FHAD1: variants seen among roughly 807,000 people sequenced by gnomAD.
FHAD1 encodes the protein forkhead-associated domain-containing protein 1.
Under a neutral mutation model 191.3 loss-of-function variants are expected in FHAD1, and 146 were observed. The observed-to-expected ratio is 0.76, with a 90% confidence interval of 0.67 to 0.88. The LOEUF is 0.88. Ranked by LOEUF, FHAD1 falls within the 40% of genes least tolerant of loss-of-function variation. FHAD1 has a pLI of 0.00. For synonymous variants in FHAD1, 616 were observed against 672.3 expected (o/e 0.92, Z 1.29); for missense variants, 1,635 against 1,785.8 (o/e 0.92, Z 1.52).
intron 31 of FHAD1, among the ~76,000 whole-genome samples, chr1:15,387,011 C>A (rs1406966334): frequency 6.6e-6 from 1 of 151,964 alleles, no homozygotes; most frequent in Non-Finnish European, 1.5e-5. Context: ...TACAAGGCAC[C>A]CACCACCACG....
At chr1:15,360,327 G>C (rs1455731405) in intron 21 of FHAD1, 151 bp from the exon 22 acceptor site, 1 of 642,166 alleles carries the variant, frequency 1.6e-6, no homozygotes, top group Non-Finnish European at 2.7e-6. Flanking sequence ...CAAGGAGCTG[G>C]GGAAGAAGTG....
intron 26 of FHAD1, among the ~76,000 whole-genome samples, chr1:15,373,146 C>A (rs922156885): frequency 6.6e-6 from 1 of 152,060 alleles, no homozygotes; most frequent in South Asian, 2.1e-4. Context: ...ATATTTGTGT[C>A]GATGTGAATT....
chr1:15,316,485 CT>C lies in FHAD1; in HGVS notation c.1260+21del. On this transcript the variant is annotated intron_variant, in intron 9 of 33. Coordinates refer to ENST00000688493, the MANE Select transcript of FHAD1 (RefSeq NM_001391957.1). This position sits in a 1 kb window ranked among gnomAD's most constrained non-coding sequence, Gnocchi z 4.3. ...GCAAAACCGTGAGTTGAGCTTCCTCCTTTGTAGGTACCACCAGAAAAAACAG... is the reference window on the plus strand; with the variant it reads ...GCAAAACCGTGAGTTGAGCTTCCTCCTTGTAGGTACCACCAGAAAAAACAG... 6.5e-7 allele frequency: 1 copy of C among 1,548,794 alleles called. No homozygotes were observed. The highest frequency in any genetic ancestry group is 2.0e-5 in the Admixed American group (1 of 50,916).
intron 20 of FHAD1, among the ~76,000 whole-genome samples, chr1:15,356,013 A>G (rs1161918170): frequency 2.0e-5 from 3 of 151,914 alleles, no homozygotes; most frequent in Non-Finnish European, 4.4e-5. Flanking sequence ...AGTTGCCACT[A>G]TCGACATTTT....
intron 4 of FHAD1, among the ~76,000 whole-genome samples, chr1:15,290,775 C>A (rs1352252420): frequency 6.6e-6 from 1 of 151,614 alleles, no homozygotes; most frequent in Admixed American, 6.6e-5. Context: ...GTGGTGCCAT[C>A]TCAGCGCACT....
chr1:15,400,641 G>A (rs1037879451), downstream of FHAD1, among the ~76,000 whole-genome samples: 1 of 152,190 alleles, frequency 6.6e-6, no homozygotes, highest in African/African-American at 2.4e-5. Flanking sequence ...ATTCTACAAT[G>A]GACAAAAGAA....
intron 26 of FHAD1, among the ~76,000 whole-genome samples, chr1:15,374,199 A>G (rs1698916348): frequency 6.6e-6 from 1 of 152,258 alleles, no homozygotes; most frequent in South Asian, 2.1e-4. Context: ...CAAGACCAGC[A>G]TGACAGCGAA....
At chr1:15,313,712 C>T (rs1673017223) in intron 8 of FHAD1, among the ~76,000 whole-genome samples, 1 of 152,102 alleles carries the variant, frequency 6.6e-6, no homozygotes, top group Non-Finnish European at 1.5e-5. Flanking sequence ...TTCCCTTAGA[C>T]TTTAGTGTGG....
rs868508985 is a variant in FHAD1, at chr1:15,392,411, A to G, written c.4323+1148A>G. ...GCTGGGCATGGTGGCGGGCGCCTGT[A>G]GTCCCAGCTACTCGGGAGGCTGAGA... is the stretch of plus-strand genomic sequence containing the variant. On this transcript the variant is annotated intron_variant, in intron 33 of 33. Coordinates refer to ENST00000688493, the MANE Select transcript of FHAD1 (RefSeq NM_001391957.1). Among the ~76,000 whole-genome samples, 45 of 152,218 alleles carry G rather than the reference A, an allele frequency of 3.0e-4. No homozygotes were observed. In the Middle Eastern group the frequency reaches 0.01, roughly 35 times the overall value.
intron 2 of FHAD1, among the ~76,000 whole-genome samples, chr1:15,256,428 G>A (rs540951428): frequency 3.3e-5 from 5 of 152,038 alleles, no homozygotes; most frequent in East Asian, 1.9e-4. Context: ...CGAGGCGGGC[G>A]GATCACTTGA....
chr1:15,338,760 AC>A (rs1339604615), intron 14 of FHAD1, among the ~76,000 whole-genome samples: 1 of 151,512 alleles, frequency 6.6e-6, no homozygotes, highest in African/African-American at 2.4e-5. Context: ...CTCCTCTGAC[AC>A]CCTCACCCTC....
At chr1:15,254,399 G>T (rs1036303421) in intron 2 of FHAD1, among the ~76,000 whole-genome samples, 2 of 152,120 alleles carry the variant, frequency 1.3e-5, no homozygotes, top group Non-Finnish European at 2.9e-5. Flanking sequence ...GGGCTGTAGG[G>T]ATTAAATGAG....
chr1:15,290,718 G>A (rs1330146063), intron 4 of FHAD1, among the ~76,000 whole-genome samples: 2 of 148,434 alleles, frequency 1.3e-5, no homozygotes, highest in African/African-American at 2.5e-5. Context: ...TTTGGACGGA[G>A]TCTCCCTCTG....
At chr1:15,240,973 A>AAAAAG (rs1645296990) in intron 1 of FHAD1, among the ~76,000 whole-genome samples, 9 of 77,812 alleles carry the variant, frequency 1.2e-4, no homozygotes, top group Non-Finnish European at 2.4e-4. Flanking sequence ...AAAAAAAAAA[A>AAAAAG]AAAGAAAGAA....
chr1:15,359,725 C>T (rs1268234680), intron 21 of FHAD1, among the ~76,000 whole-genome samples: 40 of 151,858 alleles, frequency 2.6e-4, no homozygotes, highest in Middle Eastern at 3.4e-3. Context: ...CCGAGGCGGG[C>T]GGATCATGAG....
upstream of FHAD1, among the ~76,000 whole-genome samples, chr1:15,242,926 T>C (rs1645559497): frequency 6.6e-6 from 1 of 152,216 alleles, no homozygotes; most frequent in African/African-American, 2.4e-5. Flanking sequence ...TAAAATGGAT[T>C]GTTGTATACC....
chr1:15,377,847 A>G (rs1298323423), intron 28 of FHAD1, among the ~76,000 whole-genome samples: 1 of 152,178 alleles, frequency 6.6e-6, no homozygotes. Context: ...AAAAAAGAAA[A>G]GAAAAATGAA....
Position 15,268,697 on chromosome 1 carries a change from G to A in FHAD1, c.94-3626G>A, listed in dbSNP as rs1654636967. 1.8e-4 allele frequency among the ~76,000 whole-genome samples: 27 copies of A among 150,614 alleles called. 1 individual carries two copies. In the Admixed American group the frequency reaches 1.8e-3, roughly 10 times the overall value. On this transcript the variant is annotated intron_variant, in intron 2 of 33. Transcript: ENST00000688493. Reference sequence around the variant, plus strand: ...TTTAATGATTGCCATTCTAACTGGTGTGAGATGGTATCTCATTGTGGTTTT... The same window carrying A: ...TTTAATGATTGCCATTCTAACTGGTATGAGATGGTATCTCATTGTGGTTTT...
intron 14 of FHAD1, among the ~76,000 whole-genome samples, chr1:15,330,426 GTTCA>G (rs148784621): frequency 0.019 from 2,858 of 152,238 alleles, 101 homozygotes; most frequent in African/African-American, 0.066. Context: ...TGGGTATATG[GTTCA>G]CTGTAAAATT....
Sources: gnomAD v4.1 joint callset for allele counts (sites outside exome capture counted in the v4.1 genomes callset) on GRCh38, gnomAD v4.1.1 for gene constraint, Gnocchi (gnomAD v3.1) non-coding constraint, MANE v1.5 for transcripts, NCBI Gene and HGNC (gene_info 2026-07-23, HGNC 2026-07-21) for gene names.